DPP6: variants seen among roughly 807,000 people sequenced by gnomAD.
DPP6 encodes the protein A-type potassium channel modulatory protein DPP6.
In DPP6, 69 loss-of-function variants were observed where a neutral mutation model predicts 122.6. The ratio of observed to expected loss-of-function variants is 0.56; its 90% CI spans 0.46 to 0.69. The LOEUF (loss-of-function observed/expected upper bound fraction) is 0.69. Among genes scored for constraint, DPP6 ranks in the 30% least tolerant of loss-of-function variants. The pLI, the probability that DPP6 is intolerant of heterozygous loss-of-function variation, is 0.00. For synonymous variants in DPP6, 418 were observed against 433.1 expected (o/e 0.97, Z 0.43); for missense variants, 928 against 1,116.9 (o/e 0.83, Z 2.41).
chr7:154,543,205 C>T (rs1828871372), intron 4 of DPP6, among the ~76,000 whole-genome samples: 1 of 152,198 alleles, frequency 6.6e-6, no homozygotes, highest in South Asian at 2.1e-4. Flanking sequence ...CTGAGGCCAA[C>T]TGTAATTTTT....
At chr7:154,319,365 T>C (rs1807719720) in intron 1 of DPP6, among the ~76,000 whole-genome samples, 1 of 152,244 alleles carries the variant, frequency 6.6e-6, no homozygotes, top group South Asian at 2.1e-4. Context: ...AGTCCTGCTT[T>C]ATATTTGTAT....
At chr7:154,888,079 AGAGT>A (rs1278840456) in intron 23 of DPP6, among the ~76,000 whole-genome samples, 1 of 140,878 alleles carries the variant, frequency 7.1e-6, no homozygotes, top group Non-Finnish European at 1.5e-5. Flanking sequence ...CTGCTGGGGG[AGAGT>A]GAGCTTTTTT....
chr7:153,875,263 T>C, the DPP6 span, among the ~76,000 whole-genome samples: 1 of 152,136 alleles, frequency 6.6e-6, no homozygotes, highest in Non-Finnish European at 1.5e-5. Context: ...TGCTCTAAAG[T>C]TCTTCTTCAA....
intron 1 of DPP6, among the ~76,000 whole-genome samples, chr7:154,120,360 T>A (rs1807358862): frequency 1.3e-5 from 2 of 151,994 alleles, no homozygotes; most frequent in Admixed American, 1.3e-4. Context: ...TTCTCCTGCC[T>A]CAGCCTCCTG....
intron 1 of DPP6, among the ~76,000 whole-genome samples, chr7:153,906,505 C>T (rs1799857273): frequency 1.3e-5 from 2 of 152,172 alleles, no homozygotes; most frequent in East Asian, 3.9e-4. Context: ...GGCTGGGGTG[C>T]ACTTGCATGA....
chr7:153,939,663 GAAGAT>G (rs1270917925), intron 1 of DPP6, among the ~76,000 whole-genome samples: 1 of 152,228 alleles, frequency 6.6e-6, no homozygotes, highest in Non-Finnish European at 1.5e-5. Flanking sequence ...CTAGATTTAA[GAAGAT>G]AAGAAGGTGA....
In DPP6 at chr7:154,730,748, G is replaced by T. The variant is rs575076338; in HGVS notation, c.883+2861G>T. 4.7e-4 allele frequency among the ~76,000 whole-genome samples: 72 copies of T among 152,232 alleles called. 2 individuals are homozygous for T. In the East Asian group the frequency reaches 0.013, roughly 28 times the overall value. ...GTGTCCCCCGTCCCTAAGAGAAAGG[G>T]CCCCTAGAATTTTGGCTGCAAGAGC... On this transcript the variant is annotated intron_variant, in intron 8 of 25. Coordinates refer to ENST00000377770, the MANE Select transcript of DPP6 (RefSeq NM_130797.4).
the DPP6 span, among the ~76,000 whole-genome samples, chr7:153,754,670 T>A: frequency 6.6e-6 from 1 of 152,166 alleles, no homozygotes; most frequent in South Asian, 2.1e-4. Flanking sequence ...ATGTATGTTT[T>A]ATACAGCTTA....
chr7:154,871,437 T>G (rs73728626), intron 18 of DPP6, among the ~76,000 whole-genome samples: 11,690 of 152,258 alleles, frequency 0.077, 1,464 homozygotes, highest in African/African-American at 0.26. Context: ...TTGGTTTTGT[T>G]TTTTTACTTT....
At chr7:154,312,633 G>A (rs527796323) in intron 1 of DPP6, among the ~76,000 whole-genome samples, 1 of 152,298 alleles carries the variant, frequency 6.6e-6, no homozygotes, top group East Asian at 1.9e-4. Flanking sequence ...GGCAGAGGGG[G>A]CGATGGGAGA....
intron 7 of DPP6, among the ~76,000 whole-genome samples, chr7:154,719,760 C>T (rs774935842): frequency 1.6e-4 from 25 of 152,210 alleles, no homozygotes; most frequent in African/African-American, 6.0e-4. Context: ...GTCACTGCCC[C>T]CATCAGCTGT....
intron 1 of DPP6, among the ~76,000 whole-genome samples, chr7:154,387,333 G>T (rs1814207516): frequency 6.6e-6 from 1 of 152,184 alleles, no homozygotes; most frequent in Admixed American, 6.5e-5. Flanking sequence ...GACTAGGAGG[G>T]GAGGGAGTCA....
intron 1 of DPP6, among the ~76,000 whole-genome samples, chr7:154,324,869 T>TTTTA (rs2151024905): frequency 7.1e-6 from 1 of 140,694 alleles, no homozygotes; most frequent in Non-Finnish European, 1.5e-5. Flanking sequence ...CTTTTGTTAT[T>TTTTA]TTTTTTTTTT....
Position 154,330,106 on chromosome 7 carries a change from G to A in DPP6, c.244-116108G>A, listed in dbSNP as rs576821147. Among the ~76,000 whole-genome samples the A allele has an allele frequency of 1.6e-4, 25 of 152,240 alleles. No homozygotes were observed. In the East Asian group the frequency reaches 4.2e-3, roughly 26 times the overall value. On this transcript the variant is annotated intron_variant, in intron 1 of 25. Coordinates refer to ENST00000377770, the MANE Select transcript of DPP6 (RefSeq NM_130797.4). Reference sequence around the variant, plus strand: ...TGCAGGGCTTAAAACCTAGATGATGGGTTGATAGGTGCAGCAAACCACCAT... The same window carrying A: ...TGCAGGGCTTAAAACCTAGATGATGAGTTGATAGGTGCAGCAAACCACCAT...
chr7:154,382,883 G>A (rs10215356), intron 1 of DPP6, among the ~76,000 whole-genome samples: 1,713 of 152,212 alleles, frequency 0.011, 37 homozygotes, highest in African/African-American at 0.039. Flanking sequence ...GCACCACCAC[G>A]CCCAGCTAAT....
At chr7:153,883,351 T>G (rs1262115652), upstream of DPP6, among the ~76,000 whole-genome samples, 1 of 151,802 alleles carries the variant, frequency 6.6e-6, no homozygotes, top group Non-Finnish European at 1.5e-5. Context: ...TAAGCACTTT[T>G]TCCTTACACT....
intron 1 of DPP6, among the ~76,000 whole-genome samples, chr7:154,405,926 A>T (rs286837): frequency 0.15 from 22,303 of 152,252 alleles, 1,664 homozygotes; most frequent in South Asian, 0.18. Context: ...AAGGAATCCT[A>T]TGGTGAATAC....
At chr7:154,835,927 G>C (rs894607468) in intron 16 of DPP6, among the ~76,000 whole-genome samples, 9 of 152,190 alleles carry the variant, frequency 5.9e-5, no homozygotes, top group Non-Finnish European at 1.2e-4. Flanking sequence ...TGTGAGTGCT[G>C]CTTTGTTTAA....
At chr7:154,565,305 A>G (rs1830673497) in intron 4 of DPP6, among the ~76,000 whole-genome samples, 1 of 152,222 alleles carries the variant, frequency 6.6e-6, no homozygotes, top group African/African-American at 2.4e-5. Context: ...GTTCATGATG[A>G]CTTTATAGAA....
Sources: allele counts gnomAD v4.1 joint callset (sites outside exome capture counted in the v4.1 genomes callset), GRCh38; gene constraint gnomAD v4.1.1; transcripts MANE v1.5; gene names NCBI Gene and HGNC (gene_info 2026-07-23, HGNC 2026-07-21).